HS6ST3: variants seen among roughly 807,000 people sequenced by gnomAD.
The protein encoded by HS6ST3 is heparan sulfate 6-O-sulfotransferase 3.
HS6ST3 carries 12 observed loss-of-function variants against 36.7 expected under a neutral mutation model. The observed-to-expected ratio is 0.33, with a 90% confidence interval of 0.21 to 0.53. HS6ST3 has a LOEUF of 0.53. HS6ST3 is among the 20% of genes least tolerant of loss of function. The pLI is 0.95. For missense variants in HS6ST3, 584 were observed against 640.9 expected, an observed-to-expected ratio of 0.91 and a Z score of 0.96; for synonymous variants, 240 against 257.5, an observed-to-expected ratio of 0.93 and a Z score of 0.65.
chr13:96,259,156 C>A (rs1051943016), intron 1 of HS6ST3, among the ~76,000 whole-genome samples: 1 of 150,238 alleles, frequency 6.7e-6, no homozygotes, highest in African/African-American at 2.4e-5. Context: ...ATGTGTGTGT[C>A]TGTGTGTTTG....
intron 1 of HS6ST3, among the ~76,000 whole-genome samples, chr13:96,331,534 C>T (rs1361856730): frequency 6.6e-6 from 1 of 152,068 alleles, no homozygotes; most frequent in Non-Finnish European, 1.5e-5. Flanking sequence ...GGCAGTCTGC[C>T]CGTTCTCAGA....
At chr13:96,611,963 C>T (rs1004825068) in intron 1 of HS6ST3, among the ~76,000 whole-genome samples, 35 of 152,022 alleles carry the variant, frequency 2.3e-4, no homozygotes, top group African/African-American at 8.5e-4. Context: ...AGAATGGATT[C>T]CAGAAGCAAC....
chr13:96,610,788 A>T (rs1594817919), intron 1 of HS6ST3, among the ~76,000 whole-genome samples: 1 of 152,032 alleles, frequency 6.6e-6, no homozygotes, highest in Non-Finnish European at 1.5e-5. Context: ...GAAGAGACAG[A>T]TAGTACCAAA....
intron 1 of HS6ST3, among the ~76,000 whole-genome samples, chr13:96,340,172 C>CT (rs2055123034): frequency 1.3e-5 from 2 of 152,312 alleles, no homozygotes; most frequent in South Asian, 2.1e-4. Context: ...ATAGGAAACT[C>CT]TATCTGGACC....
intron 1 of HS6ST3, among the ~76,000 whole-genome samples, chr13:96,727,934 C>A (rs1231493902): frequency 2.0e-5 from 3 of 152,194 alleles, no homozygotes. Flanking sequence ...ATATCCCCAA[C>A]TGCCTAAGTC....
chr13:96,474,728 G>A (rs1318351657), intron 1 of HS6ST3, among the ~76,000 whole-genome samples: 1 of 152,160 alleles, frequency 6.6e-6, no homozygotes, highest in Non-Finnish European at 1.5e-5. Flanking sequence ...TGGAATGTTT[G>A]CCCAGGGAGG....
intron 1 of HS6ST3, among the ~76,000 whole-genome samples, chr13:96,526,837 G>A (rs1366230633): frequency 6.6e-6 from 1 of 152,134 alleles, no homozygotes; most frequent in Non-Finnish European, 1.5e-5. Flanking sequence ...ACAAATGGCT[G>A]CTGAACACTT....
intron 1 of HS6ST3, among the ~76,000 whole-genome samples, chr13:96,566,453 A>G (rs1199587243): frequency 6.6e-6 from 1 of 152,138 alleles, no homozygotes; most frequent in Non-Finnish European, 1.5e-5. Context: ...GAGTAAACAT[A>G]AGACATTTTG....
intron 1 of HS6ST3, among the ~76,000 whole-genome samples, chr13:96,470,295 C>T (rs958471216): frequency 1.3e-5 from 2 of 152,034 alleles, no homozygotes; most frequent in Admixed American, 1.3e-4. Context: ...TTAAGCATTC[C>T]CTTTAAGGAT....
At chr13:96,591,331 A>G (rs1402572299) in intron 1 of HS6ST3, among the ~76,000 whole-genome samples, 1 of 152,064 alleles carries the variant, frequency 6.6e-6, no homozygotes, top group Non-Finnish European at 1.5e-5. Context: ...ATCTATGAAC[A>G]TGGAATATAT....
At chr13:96,120,210 G>A (rs61967995) in intron 1 of HS6ST3, among the ~76,000 whole-genome samples, 4,011 of 152,306 alleles carry the variant, frequency 0.026, 64 homozygotes, top group Non-Finnish European at 0.034. Flanking sequence ...AAGAGGCAAG[G>A]AAGGGTTCCC....
intron 1 of HS6ST3, among the ~76,000 whole-genome samples, chr13:96,537,983 C>T (rs1008528457): frequency 2.0e-5 from 3 of 152,180 alleles, no homozygotes; most frequent in Admixed American, 6.5e-5. Context: ...AAAGTCACTC[C>T]TCCCTTCAAT....
chr13:96,355,395 AC>A (rs879298386), intron 1 of HS6ST3, among the ~76,000 whole-genome samples: 572 of 144,636 alleles, frequency 4.0e-3, no homozygotes, highest in Middle Eastern at 6.8e-3. Context: ...ACACACACAC[AC>A]ACACACAAAC....
chr13:96,494,668 CACACACAT>C (rs1334680036), intron 1 of HS6ST3, among the ~76,000 whole-genome samples: 1 of 151,918 alleles, frequency 6.6e-6, no homozygotes, highest in African/African-American at 2.4e-5. Flanking sequence ...AACACACACA[CACACACAT>C]ACACACACAC....
At chr13:96,152,400 C>T (rs1472275078) in intron 1 of HS6ST3, among the ~76,000 whole-genome samples, 2 of 141,444 alleles carry the variant, frequency 1.4e-5, no homozygotes, top group African/African-American at 5.3e-5. Context: ...TGCAGTGGAG[C>T]GATCTCAGCT....
At chr13:96,807,140 C>T (rs1318770281) in intron 1 of HS6ST3, among the ~76,000 whole-genome samples, 1 of 152,062 alleles carries the variant, frequency 6.6e-6, no homozygotes, top group Non-Finnish European at 1.5e-5. Flanking sequence ...GAGCTGAAGC[C>T]CTGAAGCAAT....
intron 1 of HS6ST3, among the ~76,000 whole-genome samples, chr13:96,567,127 C>T (rs2056284129): frequency 6.6e-6 from 1 of 151,936 alleles, no homozygotes; most frequent in Non-Finnish European, 1.5e-5. Context: ...TTTTCTTTTA[C>T]TGCTTCTTTT....
At chr13:96,550,037 T>C (rs1461320964) in intron 1 of HS6ST3, among the ~76,000 whole-genome samples, 3 of 152,220 alleles carry the variant, frequency 2.0e-5, no homozygotes, top group Non-Finnish European at 4.4e-5. Context: ...CACATAGTAA[T>C]ACATACTTGT....
chr13:96,714,783 T>C (rs1405235495), intron 1 of HS6ST3, among the ~76,000 whole-genome samples: 1 of 152,194 alleles, frequency 6.6e-6, no homozygotes, highest in East Asian at 1.9e-4. Flanking sequence ...ACTGCAGCCC[T>C]GAACTCCTGG....
Sources: allele counts gnomAD v4.1 joint callset (sites outside exome capture counted in the v4.1 genomes callset), GRCh38; gene constraint gnomAD v4.1.1; transcripts MANE v1.5; gene names NCBI Gene and HGNC (gene_info 2026-07-23, HGNC 2026-07-21).